Variants in ZNF791 observed in about 807,000 individuals in gnomAD.
The protein encoded by ZNF791 is zinc finger protein 791.
ZNF791 carries 4 observed loss-of-function variants against 11.5 expected under a neutral mutation model. The ratio of observed to expected loss-of-function variants is 0.35; its 90% confidence interval spans 0.17 to 0.80. ZNF791 has a LOEUF of 0.80. Ranked by LOEUF, ZNF791 falls within the 30% of genes least tolerant of loss-of-function variation. The pLI, the probability that ZNF791 is intolerant of heterozygous loss-of-function variation, is 0.53. For synonymous variants in ZNF791, 212 were observed against 228.1 expected, an observed-to-expected ratio of 0.93 and a Z score of 0.64; for missense variants, 559 against 699.4, an observed-to-expected ratio of 0.80 and a Z score of 2.26.
chr19:12,612,206 CT>C (rs766573356), intron 1 of ZNF791: 101,890 of 592,794 alleles, frequency 0.17, 3 homozygotes, highest in Non-Finnish European at 0.19. Flanking sequence ...TTATTATTTT[CT>C]TTTTTTTTTT....
Position 12,628,392 on chromosome 19 carries a change from G to A in ZNF791, c.863G>A (p.Arg288Gln), listed in dbSNP as rs1338253948. 41 of 1,607,266 alleles carry A rather than the reference G, an allele frequency of 2.6e-5. No individual in the cohort carries two copies. The highest frequency in any genetic ancestry group is 3.3e-5 in the Non-Finnish European group (39 of 1,176,718). ...GCATTCATTTTTCCCAGTTTTTTAC[G>A]AGTACATGAAAGAATTCACACTGGA... ...GKAFIFPSFL[R>Q]VHERIHTGEK... Residue 288 changes from arginine (R) to glutamine (Q), a missense_variant, in exon 4 of 4, where the codon CGA (arginine) becomes CAA (glutamine). Coordinates refer to ENST00000343325, the MANE Select transcript of ZNF791 (RefSeq NM_153358.3).
At chr19:12,627,035 G>A (rs1290038985) in intron 3 of ZNF791, among the ~76,000 whole-genome samples, 2 of 152,040 alleles carry the variant, frequency 1.3e-5, no homozygotes, top group Non-Finnish European at 2.9e-5. Context: ...AGAAAATTCA[G>A]TCAGTTGTGG....
chr19:12,629,398 T>G lies in ZNF791; in HGVS notation c.*138T>G, dbSNP rs2023471813. On this transcript the variant is annotated 3_prime_UTR_variant, in exon 4 of 4. Coordinates refer to ENST00000343325, the MANE Select transcript of ZNF791 (RefSeq NM_153358.3). ...AGCGAGATACAAGATGATTCATGTA[T>G]AGTCAGGTACCACATAATCATGTTT... is the stretch of plus-strand genomic sequence containing the variant. 6 of 636,950 alleles carry G rather than the reference T, an allele frequency of 9.4e-6. 1 individual carries two copies. The East Asian group carries it at 1.8e-4, about 19-fold the overall frequency. The allele number at this position is 636,950 out of a possible 1,614,324, so 39.5% of individuals were successfully genotyped here.
chr19:12,617,812 G>T, intron 1 of ZNF791, among the ~76,000 whole-genome samples: 1 of 129,992 alleles, frequency 7.7e-6, no homozygotes, highest in Admixed American at 8.9e-5. Flanking sequence ...CTGTCACCAG[G>T]CTGGAATGCA....
chr19:12,623,934 C>A, intron 2 of ZNF791, 108 bp downstream of exon 2: 2 of 1,003,346 alleles, frequency 2.0e-6, no homozygotes, highest in Non-Finnish European at 2.8e-6. Flanking sequence ...CAGCTCACCA[C>A]AACCTCAGCC....
chr19:12,627,616 G>T (rs1949687933), intron 3 of ZNF791, 105 bp from the exon 4 acceptor site: 4 of 1,049,956 alleles, frequency 3.8e-6, no homozygotes, highest in Admixed American at 4.7e-5. Context: ...ACAAGAACAA[G>T]ACTCCGTCTC....
At chr19:12,626,714 C>T (rs1397514140) in intron 3 of ZNF791, among the ~76,000 whole-genome samples, 8 of 152,038 alleles carry the variant, frequency 5.3e-5, no homozygotes, top group Admixed American at 3.3e-4. Flanking sequence ...ACGCCATTCT[C>T]CTGCCTCAGC....
In ZNF791 at chr19:12,630,331, C is replaced by T. The variant is rs927914132; in HGVS notation, c.*1071C>T. On this transcript the variant is annotated 3_prime_UTR_variant, in exon 4 of 4. Coordinates refer to ENST00000343325, the MANE Select transcript of ZNF791 (RefSeq NM_153358.3). The stretch of plus-strand genomic sequence containing the variant: ...AAATTAGCTGGGCGTTCTGGTGTGC[C>T]TGTAGTCCCAGCTACTTGGGAGGCC... 2.0e-5 allele frequency: 3 copies of T among 151,976 alleles called. No homozygotes were observed. The highest frequency in any genetic ancestry group is 2.9e-5 in the Non-Finnish European group (2 of 68,032). 9.4% of individuals were successfully genotyped at this position (151,976 alleles called of 1,614,324 possible). A position where few individuals can be genotyped will look rare whatever the true frequency, so the allele number is the denominator to read the frequency against.
Position 12,628,200 on chromosome 19 carries a change from C to G in ZNF791, c.671C>G (p.Ala224Gly). The stretch of plus-strand genomic sequence containing the variant: ...TATGAATGTAAACAATGTGGGAAAG[C>G]CTTCAGTTGTTCCAGTTCTATTCGA... ...KPYECKQCGK[A>G]FSCSSSIRVH... Residue 224 changes from alanine (A) to glycine (G), a missense_variant, in exon 4 of 4, where the codon GCC becomes GGC. Physicochemically the swap from Ala to Gly is moderately conservative, Grantham distance 60. Coordinates refer to ENST00000343325, the MANE Select transcript of ZNF791 (RefSeq NM_153358.3). 1.2e-6 allele frequency: 2 copies of G among 1,613,998 alleles called. No individual in the cohort carries two copies. The highest frequency in any genetic ancestry group is 2.2e-5 in the South Asian group (2 of 91,056).
At chr19:12,627,520 G>T (rs1219448014) in intron 3 of ZNF791, among the ~76,000 whole-genome samples, 1 of 152,164 alleles carries the variant, frequency 6.6e-6, no homozygotes, top group Non-Finnish European at 1.5e-5. Context: ...CAGCTACTTG[G>T]GAGGCCGAGG....
chr19:12,626,082 T>C (rs2023424362), intron 3 of ZNF791, among the ~76,000 whole-genome samples: 2 of 152,300 alleles, frequency 1.3e-5, no homozygotes, highest in East Asian at 1.9e-4. Flanking sequence ...TGTGGCGCAA[T>C]CTCGGCTCAC....
At chr19:12,626,705 C>T (rs574690045) in intron 3 of ZNF791, among the ~76,000 whole-genome samples, 45 of 151,902 alleles carry the variant, frequency 3.0e-4, no homozygotes, top group Non-Finnish European at 5.1e-4. Flanking sequence ...CCCAGGTTCA[C>T]GCCATTCTCC....
chr19:12,616,531 G>A (rs577995024), intron 1 of ZNF791, among the ~76,000 whole-genome samples: 20 of 152,142 alleles, frequency 1.3e-4, no homozygotes, highest in Admixed American at 7.9e-4. Context: ...CCAAGGGATC[G>A]GAGAAAAAAA....
chr19:12,622,440 C>T lies in ZNF791; in HGVS notation c.4-1260C>T, dbSNP rs146572108. On this transcript the variant is annotated intron_variant, in intron 1 of 3. Coordinates refer to ENST00000343325, the MANE Select transcript of ZNF791 (RefSeq NM_153358.3). ...AAAAAAAAAAAAAAAAAACCTCCACCTCATTTAATCCCATATCTTAAGGAA... is the reference window on the plus strand; with the variant it reads ...AAAAAAAAAAAAAAAAAACCTCCACTTCATTTAATCCCATATCTTAAGGAA... Among the ~76,000 whole-genome samples, 1,045 of 134,328 alleles carry T rather than the reference C, an allele frequency of 7.8e-3. 10 individuals carry two copies. The highest frequency in any genetic ancestry group is 0.017 in the Middle Eastern group (3 of 176). 88.1% of individuals were successfully genotyped at this position (134,328 alleles called of 152,430 possible).
At chr19:12,615,168 A>G (rs2023227782) in intron 1 of ZNF791, among the ~76,000 whole-genome samples, 1 of 149,922 alleles carries the variant, frequency 6.7e-6, no homozygotes, top group Non-Finnish European at 1.5e-5. Context: ...TGCATGCACC[A>G]CAATGCCCAT....
chr19:12,622,080 T>C (rs1042625879), intron 1 of ZNF791, among the ~76,000 whole-genome samples: 101 of 135,328 alleles, frequency 7.5e-4, no homozygotes, highest in African/African-American at 2.6e-3. Flanking sequence ...CTGAAACATG[T>C]GCTGTGTCCA....
chr19:12,627,964 A>G lies in ZNF791; in HGVS notation c.435A>G (p.Lys145=), dbSNP rs1243427027. 7 of 1,614,114 alleles carry G rather than the reference A, an allele frequency of 4.3e-6. No individual in the cohort carries two copies. The South Asian group carries it at 7.7e-5, about 18-fold the overall frequency. ...KECEKAFSYL[K]SFQRHERSHT... ...GTGAGAAAGCCTTTAGTTATCTCAA[A>G]TCCTTTCAAAGACATGAAAGGAGTC... The change falls in exon 4 of 4, where the codon AAA becomes AAG. Residue 145 remains lysine (K), a synonymous_variant. Transcript: ENST00000343325.
intron 1 of ZNF791, among the ~76,000 whole-genome samples, chr19:12,621,368 T>C (rs1160236341): frequency 6.6e-6 from 1 of 152,062 alleles, no homozygotes; most frequent in Non-Finnish European, 1.5e-5. Context: ...TGAGCTGTCT[T>C]CCCAGTAACT....
chr19:12,620,135 C>A (rs1003629828), intron 1 of ZNF791, among the ~76,000 whole-genome samples: 3 of 151,860 alleles, frequency 2.0e-5, no homozygotes, highest in Non-Finnish European at 1.5e-5. Flanking sequence ...GATCTTCTGA[C>A]CTCGTGATCC....
Sources: allele counts gnomAD v4.1 joint callset (sites outside exome capture counted in the v4.1 genomes callset), GRCh38; gene constraint gnomAD v4.1.1; transcripts MANE v1.5; gene names NCBI Gene and HGNC (gene_info 2026-07-23, HGNC 2026-07-21).